Variants in ZNF423 observed in about 807,000 individuals in gnomAD.
ZNF423 encodes Ebf-associated zinc finger protein.
A neutral mutation model predicts 95.8 loss-of-function variants in ZNF423; 12 were observed. The observed-to-expected ratio is 0.13, with a 90% CI of 0.08 to 0.20. The LOEUF is 0.20. Among genes scored for constraint, ZNF423 ranks in the 10% least tolerant of loss-of-function variants. ZNF423 has a pLI of 1.00. For missense variants in ZNF423, 1,316 were observed against 1,737.1 expected (o/e 0.76, Z 4.31); for synonymous variants, 749 against 711.9 (o/e 1.05, Z -0.83).
chr16:49,793,235 G>C (rs1382579409), intron 1 of ZNF423, among the ~76,000 whole-genome samples: 1 of 151,920 alleles, frequency 6.6e-6, no homozygotes, highest in African/African-American at 2.4e-5. Flanking sequence ...AGCAGGCACA[G>C]AGGAAGGAGG....
intron 3 of ZNF423, among the ~76,000 whole-genome samples, chr16:49,657,368 C>T (rs1251376304): frequency 6.6e-6 from 1 of 152,254 alleles, no homozygotes; most frequent in Non-Finnish European, 1.5e-5. Context: ...CAGTCATGAG[C>T]TTGGTCCAAT....
At chr16:49,795,805 G>A (rs1261511209) in intron 1 of ZNF423, among the ~76,000 whole-genome samples, 1 of 152,242 alleles carries the variant, frequency 6.6e-6, no homozygotes, top group Non-Finnish European at 1.5e-5. Flanking sequence ...AAGGGCTGCT[G>A]CAGAAAGCCC....
chr16:49,800,391 C>T (rs996661297), intron 1 of ZNF423, among the ~76,000 whole-genome samples: 1 of 152,154 alleles, frequency 6.6e-6, no homozygotes, highest in South Asian at 2.1e-4. Context: ...AGACCCAGGA[C>T]AGCACACATG....
rs900933701 is a variant in ZNF423 at position 49,724,800 on chromosome 16, G to A, written c.301+5971C>T. On this transcript the variant is annotated intron_variant, in intron 3 of 7. Transcript: ENST00000563137. ...AAAGGAGGGCCTACCTTTCACAGGGGCCAGGGAAACACTCTTTGGTCCCAG... is the reference window on the plus strand; with the variant it reads ...AAAGGAGGGCCTACCTTTCACAGGGACCAGGGAAACACTCTTTGGTCCCAG... Among the ~76,000 whole-genome samples, 11 of 152,302 alleles carry A rather than the reference G, an allele frequency of 7.2e-5. 1 individual carries two copies. Among genetic ancestry groups the A allele is most frequent in the Admixed American group, 7.2e-4 (11 of 15,302 alleles).
chr16:49,548,762 G>A (rs546370453), intron 5 of ZNF423, among the ~76,000 whole-genome samples: 2 of 152,328 alleles, frequency 1.3e-5, no homozygotes, highest in South Asian at 4.1e-4. Context: ...CCTGAACCAG[G>A]AAAAGTTTCC....
At chr16:49,775,527 CAT>C (rs1273681002) in intron 2 of ZNF423, among the ~76,000 whole-genome samples, 4 of 152,194 alleles carry the variant, frequency 2.6e-5, no homozygotes, top group Non-Finnish European at 4.4e-5. Flanking sequence ...ATGCTGGACA[CAT>C]GTCATGTACC....
chr16:49,820,699 C>A (rs147627369), intron 1 of ZNF423, among the ~76,000 whole-genome samples: 1,572 of 152,320 alleles, frequency 0.01, 16 homozygotes, highest in Middle Eastern at 0.031. Flanking sequence ...CTTTTCCCTA[C>A]AAGATCCCAA....
intron 2 of ZNF423, among the ~76,000 whole-genome samples, chr16:49,754,607 G>C (rs944941064): frequency 3.3e-5 from 5 of 152,178 alleles, no homozygotes; most frequent in Non-Finnish European, 7.4e-5. Context: ...GCAAGGGATG[G>C]AGGGGCAGCT....
intron 1 of ZNF423, among the ~76,000 whole-genome samples, chr16:49,817,752 G>A (rs1488598505): frequency 1.3e-5 from 2 of 152,164 alleles, no homozygotes; most frequent in African/African-American, 4.8e-5. Flanking sequence ...TTTCTGTTGT[G>A]CACATGCATG....
At chr16:49,503,596 C>A (rs1188867243) in intron 7 of ZNF423, among the ~76,000 whole-genome samples, 1 of 152,168 alleles carries the variant, frequency 6.6e-6, no homozygotes, top group Admixed American at 6.5e-5. Flanking sequence ...GGCTTCCTGT[C>A]CGCTGACCAC....
At chr16:49,693,404 A>C (rs1197870920) in intron 3 of ZNF423, among the ~76,000 whole-genome samples, 1 of 152,192 alleles carries the variant, frequency 6.6e-6, no homozygotes, top group Non-Finnish European at 1.5e-5. Flanking sequence ...ATTAGAACCC[A>C]CAGTCAGGCT....
At chr16:49,656,111 C>T (rs1488975924) in intron 3 of ZNF423, among the ~76,000 whole-genome samples, 1 of 152,100 alleles carries the variant, frequency 6.6e-6, no homozygotes, top group African/African-American at 2.4e-5. Context: ...CAGTGGTGCC[C>T]CACGTTGGGG....
chr16:49,821,592 CA>C (rs1317747318), intron 1 of ZNF423, among the ~76,000 whole-genome samples: 1 of 152,166 alleles, frequency 6.6e-6, no homozygotes, highest in Admixed American at 6.5e-5. Flanking sequence ...CTAAGGCCTT[CA>C]GGGGTGGCAA....
intron 5 of ZNF423, among the ~76,000 whole-genome samples, chr16:49,546,172 A>G (rs1172954019): frequency 6.6e-6 from 1 of 152,214 alleles, no homozygotes; most frequent in Non-Finnish European, 1.5e-5. Flanking sequence ...GTTTTTTTTA[A>G]TGATCAAGCA....
intron 4 of ZNF423, among the ~76,000 whole-genome samples, chr16:49,626,748 T>A (rs574603663): frequency 4.1e-5 from 6 of 145,746 alleles, no homozygotes; most frequent in African/African-American, 1.5e-4. Context: ...TCCACCTACA[T>A]ACACACCCAC....
intron 5 of ZNF423, among the ~76,000 whole-genome samples, chr16:49,596,862 G>C (rs981983269): frequency 6.6e-6 from 1 of 152,210 alleles, no homozygotes; most frequent in Non-Finnish European, 1.5e-5. Context: ...CTAGGGATTG[G>C]CAGGCAGGGA....
intron 3 of ZNF423, among the ~76,000 whole-genome samples, chr16:49,645,310 C>T (rs1276477956): frequency 6.6e-6 from 1 of 152,136 alleles, no homozygotes; most frequent in African/African-American, 2.4e-5. Context: ...CCACATGATA[C>T]AGATGGAAAA....
At chr16:49,729,614 CA>C (rs2033109985) in intron 3 of ZNF423, among the ~76,000 whole-genome samples, 1 of 150,814 alleles carries the variant, frequency 6.6e-6, no homozygotes, top group African/African-American at 2.4e-5. Context: ...CCAAAATGTC[CA>C]AAACTGTAAG....
intron 2 of ZNF423, among the ~76,000 whole-genome samples, chr16:49,740,153 A>C (rs1226696639): frequency 6.6e-6 from 1 of 152,112 alleles, no homozygotes; most frequent in Non-Finnish European, 1.5e-5. Flanking sequence ...GAAGTGAGCC[A>C]CTGTACCCCG....
Sources: gnomAD v4.1 joint callset for allele counts (sites outside exome capture counted in the v4.1 genomes callset) on GRCh38, gnomAD v4.1.1 for gene constraint, MANE v1.5 for transcripts, NCBI Gene and HGNC (gene_info 2026-07-23, HGNC 2026-07-21) for gene names.